Variants in HP1BP3 observed in about 807,000 individuals in gnomAD.
HP1BP3 encodes heterochromatin protein 1-binding protein 3.
A neutral mutation model predicts 62.5 loss-of-function variants in HP1BP3; 12 were observed. The observed-to-expected ratio is 0.19, with a 90% CI of 0.12 to 0.31. The LOEUF (loss-of-function observed/expected upper bound fraction) is 0.31, where lower values mean the gene tolerates loss of function less well. HP1BP3 is among the 10% of genes least tolerant of loss of function. HP1BP3 has a pLI of 1.00. For missense variants in HP1BP3, 502 were observed against 651.8 expected (o/e 0.77, Z 2.50); for synonymous variants, 260 against 237.8 (o/e 1.09, Z -0.86).
At chr1:20,755,394 A>G (rs1457399703) in intron 9 of HP1BP3, 2 of 453,758 alleles carry the variant, frequency 4.4e-6, no homozygotes, top group Non-Finnish European at 8.9e-6. Context: ...CAACACGGCG[A>G]AACCCCATTT....
intron 8 of HP1BP3, among the ~76,000 whole-genome samples, chr1:20,761,463 A>G (rs10916859): frequency 0.44 from 66,998 of 151,998 alleles, 15,283 homozygotes; most frequent in African/African-American, 0.53. Context: ...ATGGAAGGAT[A>G]ATATTGTCAT....
intron 1 of HP1BP3, among the ~76,000 whole-genome samples, chr1:20,782,405 C>T (rs1370484560): frequency 2.0e-5 from 3 of 150,284 alleles, no homozygotes; most frequent in East Asian, 2.0e-4. Flanking sequence ...GCAATACAGA[C>T]GTTGTCTCTA....
chr1:20,763,906 CAT>C (rs898555330), intron 8 of HP1BP3, among the ~76,000 whole-genome samples: 10 of 152,002 alleles, frequency 6.6e-5, no homozygotes, highest in African/African-American at 1.2e-4. Context: ...ATATATCTAT[CAT>C]ATATATGTTT....
At chr1:20,775,352 C>T (rs1321660838) in intron 4 of HP1BP3, 1 of 152,144 alleles carries the variant, frequency 6.6e-6, no homozygotes, top group Non-Finnish European at 1.5e-5. Flanking sequence ...GGTCTCACAA[C>T]GTTGCCCAAT....
At chr1:20,757,977 C>T (rs1165208705) in intron 8 of HP1BP3, among the ~76,000 whole-genome samples, 1 of 151,938 alleles carries the variant, frequency 6.6e-6, no homozygotes, top group Admixed American at 6.6e-5. Flanking sequence ...AACCTCAGCT[C>T]TACTAAAAAT....
intron 9 of HP1BP3, among the ~76,000 whole-genome samples, chr1:20,751,137 A>G (rs1231575332): frequency 6.6e-6 from 1 of 151,762 alleles, no homozygotes. Context: ...CTTTCTTAAG[A>G]TTTTCTCAAT....
chr1:20,785,319 T>C (rs1194098209), intron 1 of HP1BP3, among the ~76,000 whole-genome samples: 2 of 152,224 alleles, frequency 1.3e-5, no homozygotes, highest in Non-Finnish European at 2.9e-5. Flanking sequence ...TGTAGAAAAG[T>C]GAGGAGTTTA....
intron 10 of HP1BP3, among the ~76,000 whole-genome samples, chr1:20,749,374 T>C (rs990226087): frequency 6.6e-6 from 1 of 151,634 alleles, no homozygotes; most frequent in African/African-American, 2.4e-5. Flanking sequence ...TTCTTTTTTT[T>C]TGATACATAG....
At chr1:20,746,179 TACA>T (rs1472734452) in intron 11 of HP1BP3, among the ~76,000 whole-genome samples, 1 of 132,470 alleles carries the variant, frequency 7.5e-6, no homozygotes, top group Non-Finnish European at 1.6e-5. Flanking sequence ...ATAACATACA[TACA>T]TATATGTGTG....
At chr1:20,759,343 C>A (rs560794867) in intron 8 of HP1BP3, among the ~76,000 whole-genome samples, 1 of 152,174 alleles carries the variant, frequency 6.6e-6, no homozygotes, top group East Asian at 1.9e-4. Context: ...ACGGAGGTTG[C>A]GGTGAGCCAA....
intron 10 of HP1BP3, among the ~76,000 whole-genome samples, chr1:20,747,873 T>G (rs547797769): frequency 9.1e-4 from 138 of 152,312 alleles, no homozygotes; most frequent in Non-Finnish European, 1.4e-3. Flanking sequence ...CATACATATA[T>G]CTATATTTTA....
intron 1 of HP1BP3, among the ~76,000 whole-genome samples, chr1:20,781,270 TA>T (rs950845157): frequency 1.4e-4 from 21 of 147,512 alleles, no homozygotes; most frequent in South Asian, 6.4e-4. Flanking sequence ...TTCCTCAATA[TA>T]AAAAAAAAAG....
At position 20,771,190 on chromosome 1, in the gene HP1BP3, A is replaced by T. The variant is rs1447871069; in HGVS notation, c.511-117T>A. 5.1e-6 allele frequency: 4 copies of T among 778,674 alleles called. No individual in the cohort carries two copies. In the Admixed American group the frequency reaches 8.8e-5, roughly 17 times the overall value. The allele number at this position is 778,674 out of a possible 1,614,324, so 48.2% of individuals were successfully genotyped here. ...TGATAGATGACAAAAACGGTAGGGAAGAATGAACTTCAGAAGACTTCAGTT... is the reference window on the plus strand; with the variant it reads ...TGATAGATGACAAAAACGGTAGGGATGAATGAACTTCAGAAGACTTCAGTT... On this transcript the variant is annotated intron_variant, in intron 5 of 12. Coordinates refer to ENST00000438032, the MANE Select transcript of HP1BP3 (RefSeq NM_001372052.1).
intron 6 of HP1BP3, among the ~76,000 whole-genome samples, chr1:20,768,306 C>A (rs1209511267): frequency 6.6e-6 from 1 of 151,976 alleles, no homozygotes; most frequent in South Asian, 2.1e-4. Flanking sequence ...ATTAGCCGGG[C>A]GTGGTGGCGG....
At chr1:20,759,160 G>T (rs7515308) in intron 8 of HP1BP3, among the ~76,000 whole-genome samples, 2 of 151,992 alleles carry the variant, frequency 1.3e-5, no homozygotes, top group South Asian at 2.1e-4. Context: ...CAGAACTCTG[G>T]GGGGCCGAGG....
intron 4 of HP1BP3, chr1:20,776,234 G>A (rs1293424348): frequency 2.2e-6 from 1 of 447,086 alleles, no homozygotes; most frequent in African/African-American, 2.0e-5. Flanking sequence ...ACAGAAGTAG[G>A]AATAAAATAG....
chr1:20,770,269 T>C (rs370125099), intron 6 of HP1BP3, among the ~76,000 whole-genome samples: 2 of 152,218 alleles, frequency 1.3e-5, no homozygotes, highest in East Asian at 3.8e-4. Context: ...AAGTCTATCA[T>C]GTAAGTTAGG....
chr1:20,785,163 T>C (rs1448997888), intron 1 of HP1BP3, among the ~76,000 whole-genome samples: 1 of 152,004 alleles, frequency 6.6e-6, no homozygotes, highest in Non-Finnish European at 1.5e-5. Flanking sequence ...TCCTCCTCTT[T>C]GGCCTCCCAA....
intron 11 of HP1BP3, among the ~76,000 whole-genome samples, chr1:20,746,501 G>A (rs1009163743): frequency 6.6e-6 from 1 of 152,156 alleles, no homozygotes; most frequent in African/African-American, 2.4e-5. Flanking sequence ...CAATAGTCTT[G>A]CTAAAACAGG....
Sources: gnomAD v4.1 joint callset for allele counts (sites outside exome capture counted in the v4.1 genomes callset) on GRCh38, gnomAD v4.1.1 for gene constraint, MANE v1.5 for transcripts, NCBI Gene and HGNC (gene_info 2026-07-23, HGNC 2026-07-21) for gene names.